The following FGD3 variants were observed in gnomAD, a reference collection of about 807,000 sequenced individuals.
FGD3 encodes FYVE, RhoGEF and PH domain-containing protein 3.
Under a neutral mutation model 71.8 loss-of-function variants are expected in FGD3, and 45 were observed. The ratio of observed to expected loss-of-function variants is 0.63; its 90% CI spans 0.49 to 0.80. FGD3 has a LOEUF of 0.80. Among genes scored for constraint, FGD3 ranks in the 30% least tolerant of loss-of-function variants. The pLI, the probability that FGD3 is intolerant of heterozygous loss-of-function variation, is 0.00. For synonymous variants in FGD3, 378 were observed against 392.8 expected (o/e 0.96, Z 0.44); for missense variants, 844 against 951.5 (o/e 0.89, Z 1.49).
chr9:92,980,187 A>G (rs1211475193), intron 3 of FGD3, among the ~76,000 whole-genome samples: 1 of 151,930 alleles, frequency 6.6e-6, no homozygotes, highest in Non-Finnish European at 1.5e-5. Context: ...CGCCCAGCTA[A>G]TTTTTGTATT....
At chr9:93,012,901 C>T (rs1429579751) in intron 8 of FGD3, among the ~76,000 whole-genome samples, 2 of 151,902 alleles carry the variant, frequency 1.3e-5, no homozygotes, top group Non-Finnish European at 1.5e-5. Context: ...CTTGCCCAGC[C>T]CTCCCAGTAC....
At chr9:93,015,001 C>T (rs1306942395) in intron 9 of FGD3, among the ~76,000 whole-genome samples, 1 of 136,516 alleles carries the variant, frequency 7.3e-6, no homozygotes, top group Non-Finnish European at 1.5e-5. Context: ...TGTGAGCAAG[C>T]GCTCGCCTGC....
chr9:93,034,149 GTGTGTGTGTGTGC>G (rs887899476), intron 16 of FGD3: 1 of 162,336 alleles, frequency 6.2e-6, no homozygotes, highest in African/African-American at 2.4e-5. Context: ...TGTGTGTGGT[GTGTGTGTGTGTGC>G]TGTGTGTGCA....
intron 1 of FGD3, among the ~76,000 whole-genome samples, chr9:92,973,240 A>G (rs7020661): frequency 1 from 151,758 of 151,828 alleles, 75,844 homozygotes; most frequent in Middle Eastern, 1. Context: ...TCAGCCTCCT[A>G]AGCAGCTGGG....
At chr9:93,011,063 TG>T in intron 7 of FGD3, 150 bp from the exon 8 acceptor site, 1 of 762,066 alleles carries the variant, frequency 1.3e-6, no homozygotes, top group Non-Finnish European at 2.2e-6. Flanking sequence ...CCCCTTCCTC[TG>T]GGCCAGTCCT....
intron 10 of FGD3, among the ~76,000 whole-genome samples, chr9:93,017,463 CAG>C (rs925348561): frequency 6.6e-6 from 1 of 151,962 alleles, no homozygotes; most frequent in African/African-American, 2.4e-5. Context: ...GCCCTCCCGA[CAG>C]GGGACAGGGA....
chr9:93,021,024 A>G (rs1489659597), intron 13 of FGD3, among the ~76,000 whole-genome samples: 2 of 152,176 alleles, frequency 1.3e-5, no homozygotes, highest in East Asian at 3.9e-4. Flanking sequence ...ATGTTACATC[A>G]TCCCCACAGA....
intron 14 of FGD3, among the ~76,000 whole-genome samples, chr9:93,024,674 T>C (rs1481437384): frequency 6.6e-6 from 1 of 152,182 alleles, no homozygotes; most frequent in African/African-American, 2.4e-5. Context: ...GGAGGCCACG[T>C]GCTGAGGGAT....
chr9:93,008,966 A>C (rs913615282), intron 6 of FGD3, among the ~76,000 whole-genome samples: 7 of 151,258 alleles, frequency 4.6e-5, no homozygotes, highest in African/African-American at 1.7e-4. Context: ...CTCCATCAAA[A>C]AAAAAAAAAA....
intron 3 of FGD3, among the ~76,000 whole-genome samples, chr9:92,992,804 T>C (rs1401375502): frequency 6.6e-6 from 1 of 152,190 alleles, no homozygotes; most frequent in Non-Finnish European, 1.5e-5. Flanking sequence ...GTACACTTTG[T>C]GATCCTAATC....
At chr9:93,028,802 A>T (rs1002070075) in intron 14 of FGD3, among the ~76,000 whole-genome samples, 3 of 152,026 alleles carry the variant, frequency 2.0e-5, no homozygotes, top group African/African-American at 7.2e-5. Flanking sequence ...GAGGCAGGAG[A>T]CTGGGGTCTC....
In FGD3 at chr9:93,006,042, C is replaced by T. The variant is rs562364606; in HGVS notation, c.699C>T (p.Leu233=). The change falls in exon 6 of 18, where the codon CTC becomes CTT. Residue 233 remains leucine (L), a synonymous_variant. Transcript: ENST00000375482. ...CACGAAGGGACACAAACCCACGGCTCGGGGACATCCTGCAGAAGCTGGCCC... is the reference window on the plus strand; with the variant it reads ...CACGAAGGGACACAAACCCACGGCTTGGGGACATCCTGCAGAAGCTGGCCC... ...ITEEWDTNPR[L]GDILQKLAPF... The T allele has an allele frequency of 1.5e-5, 24 of 1,608,056 alleles. No homozygotes were observed. The highest frequency in any genetic ancestry group is 2.7e-5 in the African/African-American group (2 of 74,682).
chr9:93,016,248 C>T (rs960225408), intron 10 of FGD3, among the ~76,000 whole-genome samples: 7 of 151,994 alleles, frequency 4.6e-5, no homozygotes, highest in African/African-American at 1.7e-4. Flanking sequence ...TGTCTGGTTC[C>T]TGGGTCCTGA....
chr9:92,987,445 A>C (rs1321646082), intron 3 of FGD3, among the ~76,000 whole-genome samples: 2 of 144,758 alleles, frequency 1.4e-5, no homozygotes. Flanking sequence ...AAAAAAAAAA[A>C]GAAAGAAAGA....
intron 3 of FGD3, among the ~76,000 whole-genome samples, chr9:92,998,146 T>G (rs1276931697): frequency 1.3e-5 from 2 of 152,352 alleles, no homozygotes; most frequent in Admixed American, 1.3e-4. Flanking sequence ...AGTCTCATAT[T>G]TCTTGGAGGC....
chr9:92,965,286 G>A (rs1238149538), intron 1 of FGD3, among the ~76,000 whole-genome samples: 2 of 152,220 alleles, frequency 1.3e-5, no homozygotes, highest in African/African-American at 2.4e-5. Context: ...CATTCAGATC[G>A]GTGCTTGCCA....
At chr9:93,030,465 T>C (rs1862311411) in intron 15 of FGD3, among the ~76,000 whole-genome samples, 1 of 152,204 alleles carries the variant, frequency 6.6e-6, no homozygotes. Flanking sequence ...ACCATCTCCA[T>C]TCCCCTCACT....
At position 93,003,438 on chromosome 9, in the gene FGD3, A is replaced by AT. The variant is rs1181277826; in HGVS notation, c.543+430dup. 6.6e-6 allele frequency among the ~76,000 whole-genome samples: 1 copy of AT among 152,116 alleles called. No individual in the cohort carries two copies. The highest frequency in any genetic ancestry group is 2.4e-5 in the African/African-American group (1 of 41,430). On this transcript the variant is annotated intron_variant, in intron 4 of 17. Transcript: ENST00000375482. The surrounding 1 kb of genome is among the most constrained non-coding windows in gnomAD (Gnocchi z 4.1). The stretch of plus-strand genomic sequence containing the variant: ...GCCACCACGCCCGTCCTAGAAACTT[A>AT]TTTTTTGTTTTCAGTGCTTGTAGCT...
At chr9:93,013,562 A>G (rs765963235) in intron 8 of FGD3, among the ~76,000 whole-genome samples, 1 of 152,116 alleles carries the variant, frequency 6.6e-6, no homozygotes, top group Non-Finnish European at 1.5e-5. Context: ...TAACAATGGC[A>G]CTCACCTCAC....
Sources: allele counts gnomAD v4.1 joint callset (sites outside exome capture counted in the v4.1 genomes callset), GRCh38; gene constraint gnomAD v4.1.1; non-coding constraint Gnocchi (gnomAD v3.1); transcripts MANE v1.5; gene names NCBI Gene and HGNC (gene_info 2026-07-23, HGNC 2026-07-21).